MIPOL1: variants seen among roughly 807,000 people sequenced by gnomAD.
The protein encoded by MIPOL1 is mirror-image polydactyly 1.
Under a neutral mutation model 60.9 loss-of-function variants are expected in MIPOL1, and 57 were observed. That is an observed-to-expected ratio of 0.94 (90% CI 0.76 to 1.17). The LOEUF is 1.17. Ranked by LOEUF, MIPOL1 falls within the 50% of genes most tolerant of loss-of-function variation. MIPOL1 has a pLI of 0.00. For synonymous variants in MIPOL1, 179 were observed against 168.8 expected, an observed-to-expected ratio of 1.06 and a Z score of -0.47; for missense variants, 551 against 511.6, an observed-to-expected ratio of 1.08 and a Z score of -0.74.
At chr14:37,401,551 A>G (rs964249734) in intron 10 of MIPOL1, 6 of 152,106 alleles carry the variant, frequency 3.9e-5, no homozygotes, top group Non-Finnish European at 1.5e-5. Flanking sequence ...AGACAGTGCA[A>G]CTATGTTTAT....
At chr14:37,468,053 CAAA>C (rs1231830627) in intron 11 of MIPOL1, among the ~76,000 whole-genome samples, 7 of 101,776 alleles carry the variant, frequency 6.9e-5, no homozygotes, top group Admixed American at 9.9e-5. Flanking sequence ...GTCTCCATCT[CAAA>C]AAAAAAAAAA....
At chr14:37,261,411 T>G (rs2082510953) in intron 3 of MIPOL1, among the ~76,000 whole-genome samples, 1 of 152,070 alleles carries the variant, frequency 6.6e-6, no homozygotes, top group Admixed American at 6.6e-5. Context: ...TTAGGTCAGC[T>G]GTACTGATTT....
chr14:37,521,412 A>T (rs868463514), intron 12 of MIPOL1, among the ~76,000 whole-genome samples: 2 of 152,194 alleles, frequency 1.3e-5, no homozygotes, highest in Non-Finnish European at 2.9e-5. Flanking sequence ...CATAATAGGT[A>T]ATGTGAGTAG....
intron 11 of MIPOL1, among the ~76,000 whole-genome samples, chr14:37,478,012 T>C (rs2094804306): frequency 6.6e-6 from 1 of 152,236 alleles, no homozygotes; most frequent in African/African-American, 2.4e-5. Context: ...GAAGAAGCGT[T>C]TATGTTTATC....
At chr14:37,199,330 T>C (rs2139037946) in intron 1 of MIPOL1, among the ~76,000 whole-genome samples, 1 of 152,314 alleles carries the variant, frequency 6.6e-6, no homozygotes, top group East Asian at 1.9e-4. Context: ...ATTTACTTTA[T>C]ATAAATGGAG....
intron 9 of MIPOL1, among the ~76,000 whole-genome samples, chr14:37,365,796 A>T (rs1411076664): frequency 1.3e-5 from 2 of 151,978 alleles, no homozygotes; most frequent in African/African-American, 4.8e-5. Context: ...TTGTTCTTCT[A>T]TAAATATTTA....
chr14:37,202,475 C>G (rs1427396484), intron 1 of MIPOL1, among the ~76,000 whole-genome samples: 1 of 152,022 alleles, frequency 6.6e-6, no homozygotes, highest in Non-Finnish European at 1.5e-5. Context: ...CAATTGTGTT[C>G]ATATGCGTGT....
intron 10 of MIPOL1, among the ~76,000 whole-genome samples, chr14:37,407,589 A>G (rs1026353000): frequency 6.6e-6 from 1 of 152,134 alleles, no homozygotes; most frequent in Non-Finnish European, 1.5e-5. Context: ...CAACTGAACC[A>G]CACCAGCTGC....
At chr14:37,223,865 A>G (rs1006160302) in intron 1 of MIPOL1, among the ~76,000 whole-genome samples, 2 of 152,136 alleles carry the variant, frequency 1.3e-5, no homozygotes, top group African/African-American at 4.8e-5. Context: ...GAAATTATGT[A>G]CTGCTAAAAT....
intron 11 of MIPOL1, among the ~76,000 whole-genome samples, chr14:37,491,465 G>C (rs1306639439): frequency 6.6e-6 from 1 of 152,130 alleles, no homozygotes; most frequent in Non-Finnish European, 1.5e-5. Flanking sequence ...AGAGGTGAAG[G>C]TTGCAGTGAG....
chr14:37,350,485 G>A (rs1368713894), intron 9 of MIPOL1, among the ~76,000 whole-genome samples: 2 of 151,540 alleles, frequency 1.3e-5, no homozygotes, highest in East Asian at 3.9e-4. Context: ...CATAGTAGGT[G>A]TATATATTTG....
intron 10 of MIPOL1, among the ~76,000 whole-genome samples, chr14:37,420,459 T>C (rs897072650): frequency 1.3e-5 from 2 of 152,208 alleles, no homozygotes; most frequent in Non-Finnish European, 2.9e-5. Context: ...AAATATCTTG[T>C]TTGTTAATTT....
chr14:37,538,923 G>C (rs2095518237), intron 12 of MIPOL1, among the ~76,000 whole-genome samples: 4 of 152,164 alleles, frequency 2.6e-5, no homozygotes. Flanking sequence ...GAACTGCCCA[G>C]CTGACGCGGT....
intron 7 of MIPOL1, among the ~76,000 whole-genome samples, chr14:37,296,451 G>T (rs1225338320): frequency 6.6e-6 from 1 of 152,102 alleles, no homozygotes; most frequent in African/African-American, 2.4e-5. Flanking sequence ...AAATAACTAA[G>T]ATCAGAGCAG....
At chr14:37,492,822 T>A (rs1183701061) in intron 11 of MIPOL1, among the ~76,000 whole-genome samples, 4 of 152,140 alleles carry the variant, frequency 2.6e-5, no homozygotes, top group African/African-American at 4.8e-5. Flanking sequence ...TTTAGCAGCA[T>A]CTTTAGCTTC....
Position 37,547,064 on chromosome 14 carries a change from A to G in MIPOL1, c.*93A>G. ...GTAAACACCAAAGCCTTAACTTAGC[A>G]AACAGTTGTTAGAAGTGGGACACTC... On this transcript the variant is annotated 3_prime_UTR_variant, in exon 13 of 13. Coordinates refer to ENST00000684589, the MANE Select transcript of MIPOL1 (RefSeq NM_001388067.1). 1 of 1,091,076 alleles carries G rather than the reference A, an allele frequency of 9.2e-7. No individual in the cohort carries two copies. The highest frequency in any genetic ancestry group is 1.4e-6 in the Non-Finnish European group (1 of 727,880). The allele number at this position is 1,091,076 out of a possible 1,614,324, so 67.6% of individuals were successfully genotyped here.
chr14:37,371,244 C>T (rs1014395206), intron 10 of MIPOL1, among the ~76,000 whole-genome samples: 3 of 151,644 alleles, frequency 2.0e-5, no homozygotes, highest in Admixed American at 6.6e-5. Flanking sequence ...CTCAGCCTCC[C>T]GGGTAGCTGA....
intron 6 of MIPOL1, among the ~76,000 whole-genome samples, chr14:37,272,284 G>A (rs2083355774): frequency 6.6e-6 from 1 of 151,368 alleles, no homozygotes; most frequent in East Asian, 1.9e-4. Context: ...TGTTTTAAGG[G>A]ATAAATTTTC....
chr14:37,349,692 A>G (rs140710744), intron 9 of MIPOL1, among the ~76,000 whole-genome samples: 6 of 152,288 alleles, frequency 3.9e-5, no homozygotes, highest in African/African-American at 1.4e-4. Flanking sequence ...GGCACTCTGT[A>G]TGCCTTTAAC....
Sources: allele counts gnomAD v4.1 joint callset (sites outside exome capture counted in the v4.1 genomes callset), GRCh38; gene constraint gnomAD v4.1.1; transcripts MANE v1.5; gene names NCBI Gene and HGNC (gene_info 2026-07-23, HGNC 2026-07-21).